CCSER1: variants seen among roughly 807,000 people sequenced by gnomAD.
The protein encoded by CCSER1 is coiled-coil serine rich protein 1, also known as serine-rich coiled-coil domain-containing protein 1.
Under a neutral mutation model 82.0 loss-of-function variants are expected in CCSER1, and 41 were observed. The observed-to-expected ratio is 0.50, with a 90% confidence interval of 0.39 to 0.65. CCSER1 has a LOEUF of 0.65. Ranked by LOEUF, CCSER1 falls within the 30% of genes least tolerant of loss-of-function variation. CCSER1 has a pLI of 0.00. For missense variants in CCSER1, 1,119 were observed against 1,064.2 expected, an observed-to-expected ratio of 1.05 and a Z score of -0.72; for synonymous variants, 414 against 383.9, an observed-to-expected ratio of 1.08 and a Z score of -0.92.
At chr4:91,298,117 A>AT (rs1744361370) in intron 10 of CCSER1, among the ~76,000 whole-genome samples, 3 of 152,068 alleles carry the variant, frequency 2.0e-5, no homozygotes, top group Non-Finnish European at 4.4e-5. Context: ...GAGTTTTACT[A>AT]TTAACTGTGA....
chr4:90,689,047 C>T (rs1346431854), intron 6 of CCSER1, among the ~76,000 whole-genome samples: 3 of 152,122 alleles, frequency 2.0e-5, no homozygotes, highest in Non-Finnish European at 4.4e-5. Flanking sequence ...GGCAACATCA[C>T]ACATTTACCT....
intron 10 of CCSER1, among the ~76,000 whole-genome samples, chr4:91,090,880 T>A (rs576014882): frequency 7.9e-5 from 12 of 152,308 alleles, no homozygotes; most frequent in Admixed American, 7.2e-4. Context: ...TTTCCATCAA[T>A]GCCTGGAGAT....
At chr4:91,413,874 A>G (rs1217254148) in intron 10 of CCSER1, among the ~76,000 whole-genome samples, 1 of 152,140 alleles carries the variant, frequency 6.6e-6, no homozygotes. Flanking sequence ...AAGCCAGGAG[A>G]GAGTGGGATA....
intron 10 of CCSER1, among the ~76,000 whole-genome samples, chr4:91,449,260 A>AATTAGTGG (rs1427989744): frequency 2.0e-5 from 3 of 152,056 alleles, no homozygotes; most frequent in African/African-American, 7.2e-5. Context: ...TATTTTTCAA[A>AATTAGTGG]ACATTAGTCC....
At chr4:91,052,180 T>A in intron 9 of CCSER1, among the ~76,000 whole-genome samples, 1 of 152,050 alleles carries the variant, frequency 6.6e-6, no homozygotes, top group East Asian at 1.9e-4. Flanking sequence ...ATAATTTATT[T>A]GCTATCGTTA....
chr4:91,385,305 ACAAAG>A (rs1751213234), intron 10 of CCSER1, among the ~76,000 whole-genome samples: 1 of 152,080 alleles, frequency 6.6e-6, no homozygotes, highest in South Asian at 2.1e-4. Flanking sequence ...AGTGAAAAAA[ACAAAG>A]TGCAAAAAAG....
chr4:90,918,243 CT>C (rs767698703), intron 8 of CCSER1: 2 of 455,412 alleles, frequency 4.4e-6, no homozygotes, highest in Non-Finnish European at 8.8e-6. Context: ...CTAAAGCAAA[CT>C]ACTACACGTA....
intron 7 of CCSER1, among the ~76,000 whole-genome samples, chr4:90,726,626 T>C (rs1490043354): frequency 1.3e-5 from 2 of 152,114 alleles, no homozygotes; most frequent in Non-Finnish European, 2.9e-5. Context: ...CGATCTGCCC[T>C]GAAAGATAGT....
At chr4:91,553,762 G>C (rs1228413356) in intron 10 of CCSER1, among the ~76,000 whole-genome samples, 1 of 150,400 alleles carries the variant, frequency 6.6e-6, no homozygotes, top group Non-Finnish European at 1.5e-5. Context: ...ATCAGTTGTA[G>C]AGTCTTCTTC....
chr4:91,043,867 C>G (rs899022479), intron 9 of CCSER1, among the ~76,000 whole-genome samples: 1 of 152,118 alleles, frequency 6.6e-6, no homozygotes, highest in Non-Finnish European at 1.5e-5. Context: ...GGATGACAGT[C>G]GTGAGCAACC....
chr4:91,392,980 T>G (rs2149351671), intron 10 of CCSER1, among the ~76,000 whole-genome samples: 1 of 152,240 alleles, frequency 6.6e-6, no homozygotes, highest in South Asian at 2.1e-4. Flanking sequence ...GGTGGTGTAT[T>G]TTTAACAAGT....
intron 10 of CCSER1, among the ~76,000 whole-genome samples, chr4:91,259,447 C>CATAT (rs148329738): frequency 1.5e-3 from 229 of 150,208 alleles, no homozygotes; most frequent in African/African-American, 5.0e-3. Context: ...CCTTGGTAGT[C>CATAT]ATATATATAT....
intron 9 of CCSER1, among the ~76,000 whole-genome samples, chr4:90,982,437 G>A (rs758636485): frequency 6.6e-6 from 1 of 151,682 alleles, no homozygotes; most frequent in Non-Finnish European, 1.5e-5. Flanking sequence ...TCAGTCCATA[G>A]CAATATGCAT....
At chr4:91,399,589 G>A (rs1294625120) in intron 10 of CCSER1, among the ~76,000 whole-genome samples, 1 of 151,990 alleles carries the variant, frequency 6.6e-6, no homozygotes, top group Non-Finnish European at 1.5e-5. Flanking sequence ...CAGGGTTTTA[G>A]TTTTAGCTTG....
chr4:91,343,644 T>G (rs1226276185), intron 10 of CCSER1, among the ~76,000 whole-genome samples: 1 of 152,154 alleles, frequency 6.6e-6, no homozygotes, highest in Non-Finnish European at 1.5e-5. Context: ...CAGTACCTAC[T>G]GTTTCTTGAG....
intron 7 of CCSER1, among the ~76,000 whole-genome samples, chr4:90,750,239 G>A (rs866775004): frequency 3.9e-5 from 6 of 151,926 alleles, no homozygotes; most frequent in Middle Eastern, 3.2e-3. Flanking sequence ...CCATTTTGTG[G>A]GTTGCCTGTT....
Position 90,758,397 on chromosome 4 carries a change from CTT to C in CCSER1, c.2010+34407_2010+34408del, listed in dbSNP as rs374927176. Among the ~76,000 whole-genome samples, 72 of 151,970 alleles carry C rather than the reference CTT, an allele frequency of 4.7e-4. 1 individual carries two copies. The East Asian group carries it at 0.011, about 24-fold the overall frequency. ...TAAAACAGTTTTTTTGAATAAAAAA[CTT>C]AAGACATATATTTGGGGAAAAATAA... On this transcript the variant is annotated intron_variant, in intron 7 of 10. Coordinates refer to ENST00000509176, the MANE Select transcript of CCSER1 (RefSeq NM_001145065.2).
chr4:90,557,184 T>C (rs567793000), intron 5 of CCSER1, among the ~76,000 whole-genome samples: 4 of 152,154 alleles, frequency 2.6e-5, no homozygotes, highest in Non-Finnish European at 5.9e-5. Context: ...TTACCATCTG[T>C]AATTTTCAAA....
intron 6 of CCSER1, among the ~76,000 whole-genome samples, chr4:90,718,567 CA>C (rs1365480538): frequency 1.3e-5 from 2 of 152,064 alleles, no homozygotes; most frequent in African/African-American, 4.8e-5. Context: ...TGAAAGTATG[CA>C]AAACAATTTA....
Sources: allele counts gnomAD v4.1 joint callset (sites outside exome capture counted in the v4.1 genomes callset), GRCh38; gene constraint gnomAD v4.1.1; transcripts MANE v1.5; gene names NCBI Gene and HGNC (gene_info 2026-07-23, HGNC 2026-07-21).